The following PCDH9 variants were observed in gnomAD, a reference collection of about 807,000 sequenced individuals.
PCDH9 encodes protocadherin-9.
PCDH9 carries 24 observed loss-of-function variants against 70.6 expected under a neutral mutation model. That is an observed-to-expected ratio of 0.34 (90% CI 0.25 to 0.48). The LOEUF (loss-of-function observed/expected upper bound fraction) is 0.48, where lower values mean the gene tolerates loss of function less well. Ranked by LOEUF, PCDH9 falls within the 20% of genes least tolerant of loss-of-function variation. The pLI, the probability that PCDH9 is intolerant of heterozygous loss-of-function variation, is 0.99. For missense variants in PCDH9, 1,281 were observed against 1,503.6 expected (o/e 0.85, Z 2.45); for synonymous variants, 562 against 558.5 (o/e 1.01, Z -0.09).
At chr13:66,831,481 GT>G (rs1205986313) in intron 3 of PCDH9, among the ~76,000 whole-genome samples, 1 of 152,134 alleles carries the variant, frequency 6.6e-6, no homozygotes, top group Non-Finnish European at 1.5e-5. Context: ...CACCTTTTGT[GT>G]TTATTAGCTG....
At chr13:67,201,384 A>T (rs2089207862) in intron 2 of PCDH9, 1 of 152,056 alleles carries the variant, frequency 6.6e-6, no homozygotes, top group South Asian at 2.1e-4. Context: ...ATAGTGTACA[A>T]AAGTCCATTT....
intron 4 of PCDH9, among the ~76,000 whole-genome samples, chr13:66,390,431 A>C (rs1426287849): frequency 6.6e-6 from 1 of 152,106 alleles, no homozygotes; most frequent in Non-Finnish European, 1.5e-5. Flanking sequence ...GGACAGCTAG[A>C]GGTTTTGTAA....
chr13:66,934,931 A>G (rs1384281942), intron 2 of PCDH9, among the ~76,000 whole-genome samples: 6 of 151,102 alleles, frequency 4.0e-5, no homozygotes, highest in East Asian at 3.9e-4. Context: ...CGTGTTAGCC[A>G]GGATGGTCTC....
chr13:67,170,484 A>T (rs963569540), intron 2 of PCDH9, among the ~76,000 whole-genome samples: 1 of 152,236 alleles, frequency 6.6e-6, no homozygotes, highest in Admixed American at 6.5e-5. Flanking sequence ...GACCAGAAGT[A>T]TAAAGTAATA....
intron 2 of PCDH9, among the ~76,000 whole-genome samples, chr13:67,175,966 G>C (rs2088440987): frequency 6.6e-6 from 1 of 151,514 alleles, no homozygotes; most frequent in African/African-American, 2.4e-5. Context: ...AAACTGGTCT[G>C]TTCATTCACA....
chr13:66,590,278 C>T (rs1932893), intron 4 of PCDH9, among the ~76,000 whole-genome samples: 145,066 of 152,002 alleles, frequency 0.95, 69,610 homozygotes, highest in East Asian at 1. Flanking sequence ...TCCAGAGTGA[C>T]AATTTAAGTA....
At chr13:66,413,402 C>G (rs374251077) in intron 4 of PCDH9, among the ~76,000 whole-genome samples, 3 of 152,088 alleles carry the variant, frequency 2.0e-5, no homozygotes, top group African/African-American at 7.2e-5. Context: ...AATCCTCAAA[C>G]TTGGCCTTGC....
chr13:67,200,687 G>T (rs191127281), intron 2 of PCDH9, among the ~76,000 whole-genome samples: 5 of 152,134 alleles, frequency 3.3e-5, no homozygotes, highest in South Asian at 2.1e-4. Flanking sequence ...CCTTGTAACT[G>T]CTTCTCTGCA....
At chr13:66,778,713 A>G (rs1194045116) in intron 3 of PCDH9, among the ~76,000 whole-genome samples, 2 of 152,248 alleles carry the variant, frequency 1.3e-5, no homozygotes, top group African/African-American at 4.8e-5. Context: ...CATATGTGAC[A>G]TGCCAATGAT....
At chr13:66,873,810 T>C (rs1045687693) in intron 3 of PCDH9, among the ~76,000 whole-genome samples, 2 of 152,126 alleles carry the variant, frequency 1.3e-5, no homozygotes, top group African/African-American at 4.8e-5. Context: ...TAGATATGCG[T>C]CATTGAAAAT....
chr13:66,790,498 C>T (rs151173466), intron 3 of PCDH9, among the ~76,000 whole-genome samples: 1 of 152,118 alleles, frequency 6.6e-6, no homozygotes, highest in East Asian at 1.9e-4. Context: ...AATTTCCTGT[C>T]TATGAAGATA....
chr13:66,849,517 TAGAG>T (rs58589562), intron 3 of PCDH9, among the ~76,000 whole-genome samples: 144 of 63,570 alleles, frequency 2.3e-3, no homozygotes, highest in African/African-American at 0.011. Flanking sequence ...TATATATATA[TAGAG>T]AGAGAGAGAG....
At chr13:66,557,651 T>A (rs1961794639) in intron 4 of PCDH9, among the ~76,000 whole-genome samples, 1 of 152,092 alleles carries the variant, frequency 6.6e-6, no homozygotes, top group South Asian at 2.1e-4. Flanking sequence ...TTTTTAACAG[T>A]AAAGGGAAAA....
At chr13:66,805,409 T>A (rs1161082680) in intron 3 of PCDH9, among the ~76,000 whole-genome samples, 1 of 152,128 alleles carries the variant, frequency 6.6e-6, no homozygotes, top group Non-Finnish European at 1.5e-5. Context: ...CAACAGTGTA[T>A]CCACAGAATA....
intron 3 of PCDH9, among the ~76,000 whole-genome samples, chr13:66,715,305 T>C (rs190127092): frequency 7.0e-4 from 107 of 152,300 alleles, no homozygotes; most frequent in Non-Finnish European, 1.3e-3. Flanking sequence ...CAATTCTAAA[T>C]GTTAATGTAC....
intron 2 of PCDH9, among the ~76,000 whole-genome samples, chr13:67,034,453 T>A (rs1307612550): frequency 6.6e-6 from 1 of 152,178 alleles, no homozygotes; most frequent in Non-Finnish European, 1.5e-5. Flanking sequence ...AAAGACCTCT[T>A]AGAGTCGAAA....
At chr13:66,951,708 T>C (rs1432870481) in intron 2 of PCDH9, among the ~76,000 whole-genome samples, 1 of 152,166 alleles carries the variant, frequency 6.6e-6, no homozygotes, top group Non-Finnish European at 1.5e-5. Flanking sequence ...AATAGTCAGA[T>C]TTGATGGTGC....
At chr13:66,544,718 AG>A (rs1271728120) in intron 4 of PCDH9, among the ~76,000 whole-genome samples, 1 of 152,160 alleles carries the variant, frequency 6.6e-6, no homozygotes, top group Non-Finnish European at 1.5e-5. Flanking sequence ...GGTAACTTCC[AG>A]GTTTTTGCCA....
At position 66,602,048 on chromosome 13, in the gene PCDH9, G is replaced by A. The variant is rs2077171480; in HGVS notation, c.3340+29162C>T. Among the ~76,000 whole-genome samples the A allele has an allele frequency of 1.4e-5, 2 of 145,890 alleles. 1 individual carries two copies. Among genetic ancestry groups the A allele is most frequent in the Admixed American group, 1.4e-4 (2 of 14,516 alleles). On this transcript the variant is annotated intron_variant, in intron 4 of 4. Coordinates refer to ENST00000377865, the MANE Select transcript of PCDH9 (RefSeq NM_203487.3). The stretch of plus-strand genomic sequence containing the variant: ...CTTTTACTTAAAAAAAATGCCTGGA[G>A]GGCCTAGCTAAGGCTCTTTTAGGTA...
Sources: gnomAD v4.1 joint callset for allele counts (sites outside exome capture counted in the v4.1 genomes callset) on GRCh38, gnomAD v4.1.1 for gene constraint, MANE v1.5 for transcripts, NCBI Gene and HGNC (gene_info 2026-07-23, HGNC 2026-07-21) for gene names.